The following TENM1 variants were observed in gnomAD, a reference collection of about 807,000 sequenced individuals.
The protein encoded by TENM1 is teneurin transmembrane protein 1.
A neutral mutation model predicts 174.8 loss-of-function variants in TENM1; 35 were observed. The ratio of observed to expected loss-of-function variants is 0.20; its 90% CI spans 0.15 to 0.27. TENM1 has a LOEUF of 0.27. Ranked by LOEUF, TENM1 falls within the 10% of genes least tolerant of loss-of-function variation. The pLI is 1.00. For missense variants in TENM1, 1,633 were observed against 2,130.1 expected (o/e 0.77, Z 4.59); for synonymous variants, 781 against 798.7 (o/e 0.98, Z 0.37).
chrX:124,400,084 G>A (rs1406008543), intron 27 of TENM1, among the ~76,000 whole-genome samples: 1 of 111,805 alleles, frequency 8.9e-6, no homozygotes, highest in Non-Finnish European at 1.9e-5. Context: ...TCTCCAGGGG[G>A]CTCCTTAGGG....
intron 15 of TENM1, among the ~76,000 whole-genome samples, chrX:124,531,971 C>T (rs1203801149): frequency 8.9e-6 from 1 of 111,929 alleles, no homozygotes; most frequent in Non-Finnish European, 1.9e-5. Flanking sequence ...AAATCTCCTG[C>T]AAATGACATA....
intron 3 of TENM1, among the ~76,000 whole-genome samples, chrX:124,864,295 T>C (rs2056965614): frequency 8.9e-6 from 1 of 112,015 alleles, no homozygotes; most frequent in East Asian, 2.8e-4. Flanking sequence ...ATCTGTGACC[T>C]TTCAGACAGA....
intron 27 of TENM1, among the ~76,000 whole-genome samples, chrX:124,398,694 G>T (rs1374520432): frequency 9.1e-6 from 1 of 110,280 alleles, no homozygotes; most frequent in Non-Finnish European, 1.9e-5. Flanking sequence ...TATTTGGATA[G>T]TTTACACACA....
intron 23 of TENM1, among the ~76,000 whole-genome samples, chrX:124,451,306 T>C (rs922310065): frequency 9.0e-6 from 1 of 111,040 alleles, no homozygotes; most frequent in African/African-American, 3.3e-5. Context: ...AAAACACAGA[T>C]TTCCTAAATA....
chrX:125,204,146 TGAAA>T, the TENM1 span: 1 of 111,583 alleles, frequency 9.0e-6, no homozygotes, highest in African/African-American at 3.3e-5. Context: ...TGTGTGTGAG[TGAAA>T]GAGAGTGTTC....
chrX:124,392,363 T>G lies in TENM1; in HGVS notation c.5392-15A>C. On this transcript the variant is annotated splice_polypyrimidine_tract_variant and intron_variant, in intron 27 of 31. Transcript: ENST00000422452. Reference sequence around the variant, plus strand: ...CTGTTGTGGGCCTATGAGAAAGAGATATGAAATACATTTTAAGCACAGCCT... The same window carrying G: ...CTGTTGTGGGCCTATGAGAAAGAGAGATGAAATACATTTTAAGCACAGCCT... 1.5e-5 allele frequency: 17 copies of G among 1,110,431 alleles called. No individual in the cohort carries two copies. Among genetic ancestry groups the G allele is most frequent in the Non-Finnish European group, 2.1e-5 (17 of 808,940 alleles). The allele number at this position is 1,110,431 out of a possible 1,213,427, so 91.5% of individuals were successfully genotyped here. A position where few individuals can be genotyped will look rare whatever the true frequency, so the allele number is the denominator to read the frequency against.
intron 3 of TENM1, among the ~76,000 whole-genome samples, chrX:124,803,912 T>C: frequency 8.9e-6 from 1 of 112,454 alleles, no homozygotes; most frequent in Middle Eastern, 4.6e-3. Context: ...AAGCATTGGG[T>C]AATTAAGACT....
the TENM1 span, among the ~76,000 whole-genome samples, chrX:125,019,002 C>A: frequency 1.8e-5 from 2 of 111,942 alleles, no homozygotes; most frequent in African/African-American, 6.5e-5. Flanking sequence ...TTGTGTTATA[C>A]TGAAAATGTT....
intron 4 of TENM1, among the ~76,000 whole-genome samples, chrX:124,705,953 T>C (rs1307020051): frequency 2.7e-5 from 3 of 112,067 alleles, no homozygotes; most frequent in African/African-American, 9.7e-5. Context: ...GTCACCAGGA[T>C]GGAGTGCAAT....
the TENM1 span, among the ~76,000 whole-genome samples, chrX:125,039,527 A>G: frequency 9.0e-6 from 1 of 110,679 alleles, no homozygotes; most frequent in Non-Finnish European, 1.9e-5. Flanking sequence ...AATGATACAG[A>G]TATATCTTTA....
At chrX:125,085,670 T>C in the TENM1 span, among the ~76,000 whole-genome samples, 3 of 111,610 alleles carry the variant, frequency 2.7e-5, no homozygotes, top group South Asian at 7.4e-4. Flanking sequence ...TCATTTCCTA[T>C]TCTGATCTTT....
the TENM1 span, among the ~76,000 whole-genome samples, chrX:125,025,410 T>C: frequency 5.4e-5 from 6 of 111,567 alleles, no homozygotes; most frequent in African/African-American, 2.0e-4. Context: ...AAATGAAAGA[T>C]AGTGTATAAA....
chrX:125,198,264 A>G, the TENM1 span, among the ~76,000 whole-genome samples: 7 of 112,148 alleles, frequency 6.2e-5, no homozygotes, highest in Non-Finnish European at 1.3e-4. Context: ...ATATTGTAAT[A>G]AGACTTTTTT....
chrX:124,928,274 C>T (rs2147705838), intron 1 of TENM1, among the ~76,000 whole-genome samples: 1 of 112,060 alleles, frequency 8.9e-6, no homozygotes, highest in East Asian at 2.8e-4. Context: ...TTTTGGTTTG[C>T]TTATTTTTAC....
chrX:125,064,762 G>A, the TENM1 span, among the ~76,000 whole-genome samples: 10 of 109,659 alleles, frequency 9.1e-5, no homozygotes, highest in Middle Eastern at 4.7e-3. Context: ...GCCCACCACC[G>A]CGCCTGGCTA....
intron 5 of TENM1, among the ~76,000 whole-genome samples, chrX:124,677,467 A>G (rs2052117501): frequency 9.0e-6 from 1 of 111,386 alleles, no homozygotes; most frequent in African/African-American, 3.3e-5. Flanking sequence ...TTGGAAGACA[A>G]TGTTGATATC....
chrX:124,696,412 G>T (rs1046351325), intron 5 of TENM1, among the ~76,000 whole-genome samples: 1 of 111,481 alleles, frequency 9.0e-6, no homozygotes, highest in African/African-American at 3.3e-5. Flanking sequence ...GGGTTCAATA[G>T]GTTTCTATGT....
At chrX:125,167,831 C>G in the TENM1 span, among the ~76,000 whole-genome samples, 1 of 111,807 alleles carries the variant, frequency 8.9e-6, no homozygotes, top group African/African-American at 3.2e-5. Context: ...TCTACATGCA[C>G]TAATTGAATA....
At chrX:124,991,622 A>C in the TENM1 span, among the ~76,000 whole-genome samples, 1 of 110,583 alleles carries the variant, frequency 9.0e-6, no homozygotes, top group African/African-American at 3.3e-5. Context: ...GATGCAAAAA[A>C]GGGGAATTTG....
Sources: gnomAD v4.1 joint callset for allele counts (sites outside exome capture counted in the v4.1 genomes callset) on GRCh38, gnomAD v4.1.1 for gene constraint, MANE v1.5 for transcripts, NCBI Gene and HGNC (gene_info 2026-07-23, HGNC 2026-07-21) for gene names.